Variants in ACOXL observed in about 807,000 individuals in gnomAD.
The protein encoded by ACOXL is acyl-CoA oxidase like.
A neutral mutation model predicts 71.9 loss-of-function variants in ACOXL; 70 were observed. The observed-to-expected ratio is 0.97, with a 90% CI of 0.80 to 1.19. The LOEUF (loss-of-function observed/expected upper bound fraction) is 1.19. Among genes scored for constraint, ACOXL ranks in the 50% most tolerant of loss-of-function variants. The pLI is 0.00. For missense variants in ACOXL, 703 were observed against 736.3 expected (o/e 0.95, Z 0.52); for synonymous variants, 253 against 281.6 (o/e 0.90, Z 1.02).
At chr2:110,757,177 T>C (rs1188224143) in intron 1 of ACOXL, among the ~76,000 whole-genome samples, 1 of 152,238 alleles carries the variant, frequency 6.6e-6, no homozygotes, top group Non-Finnish European at 1.5e-5. Flanking sequence ...CTGCATTAGA[T>C]TGCTGAGGAT....
chr2:110,771,922 A>G (rs1296486663), intron 2 of ACOXL, among the ~76,000 whole-genome samples: 1 of 152,202 alleles, frequency 6.6e-6, no homozygotes, highest in Non-Finnish European at 1.5e-5. Context: ...CTTGTCCTGC[A>G]TGGGGGACAG....
intron 15 of ACOXL, among the ~76,000 whole-genome samples, chr2:111,033,390 T>A (rs951367897): frequency 6.6e-6 from 1 of 152,116 alleles, no homozygotes; most frequent in Non-Finnish European, 1.5e-5. Flanking sequence ...AGAAAGAAAA[T>A]CCAGCCACCA....
chr2:111,103,860 A>G lies in ACOXL; in HGVS notation c.1542+10894A>G, dbSNP rs551011456. The stretch of plus-strand genomic sequence containing the variant: ...TTACTTAGTTTCCCCCATTGGCAAC[A>G]TCTTGTACAACTATAGCTTTACAAT... On this transcript the variant is annotated intron_variant, in intron 17 of 17. Transcript: ENST00000439055. Among the ~76,000 whole-genome samples the G allele has an allele frequency of 4.6e-5, 7 of 152,290 alleles. No homozygotes were observed. In the South Asian group the frequency reaches 1.4e-3, roughly 32 times the overall value.
At chr2:110,833,193 T>G (rs72832854) in intron 9 of ACOXL, among the ~76,000 whole-genome samples, 2,040 of 152,332 alleles carry the variant, frequency 0.013, 26 homozygotes, top group Non-Finnish European at 0.022. Context: ...AGGTGAAAGG[T>G]TGAAAGATGC....
chr2:110,984,560 G>A (rs1360650334), intron 12 of ACOXL, among the ~76,000 whole-genome samples: 1 of 152,200 alleles, frequency 6.6e-6, no homozygotes, highest in Non-Finnish European at 1.5e-5. Flanking sequence ...AAGGAGCAAA[G>A]ATCCAAAGTG....
At chr2:110,781,808 G>GACTAC (rs1683375874) in intron 2 of ACOXL, among the ~76,000 whole-genome samples, 1 of 152,172 alleles carries the variant, frequency 6.6e-6, no homozygotes. Flanking sequence ...AGACAGCTCA[G>GACTAC]ACTACACATC....
At chr2:110,998,774 C>T (rs1263597453) in intron 14 of ACOXL, among the ~76,000 whole-genome samples, 1 of 152,180 alleles carries the variant, frequency 6.6e-6, no homozygotes, top group Non-Finnish European at 1.5e-5. Context: ...CCAGCTCCCA[C>T]CTCTGGAAAG....
intron 5 of ACOXL, among the ~76,000 whole-genome samples, chr2:110,796,439 G>T (rs1471464351): frequency 6.6e-6 from 1 of 152,198 alleles, no homozygotes; most frequent in Admixed American, 6.5e-5. Context: ...TTATTTAGAT[G>T]CAGCTTTAAT....
chr2:111,058,467 A>G (rs757925983), intron 16 of ACOXL, among the ~76,000 whole-genome samples: 17 of 152,258 alleles, frequency 1.1e-4, no homozygotes, highest in Non-Finnish European at 2.5e-4. Flanking sequence ...AGCAAAGCCT[A>G]GCAGTCACAC....
rs535326282 is a variant in ACOXL at position 110,833,944 on chromosome 2, G to A, written c.754-7427G>A. 9.2e-5 allele frequency among the ~76,000 whole-genome samples: 14 copies of A among 152,298 alleles called. 1 individual carries two copies. In the East Asian group the frequency reaches 2.5e-3, roughly 27 times the overall value. ...TTGACTCTTGACTGTGACAGGGCCT[G>A]GGGGTGAGAGGGGTCCACAAGCTGA... On this transcript the variant is annotated intron_variant, in intron 9 of 17. Coordinates refer to ENST00000439055, the MANE Select transcript of ACOXL (RefSeq NM_001142807.4).
chr2:110,737,790 C>T (rs781774598), intron 1 of ACOXL, among the ~76,000 whole-genome samples: 3 of 152,200 alleles, frequency 2.0e-5, no homozygotes, highest in Non-Finnish European at 2.9e-5. Context: ...GCTCTTCCTG[C>T]GTCTTCACCA....
intron 14 of ACOXL, among the ~76,000 whole-genome samples, chr2:111,008,893 T>G (rs1031874216): frequency 6.6e-6 from 1 of 152,204 alleles, no homozygotes; most frequent in Non-Finnish European, 1.5e-5. Flanking sequence ...TTTTAATATG[T>G]TTTCAATGTA....
At chr2:110,869,154 C>T (rs763041838) in intron 10 of ACOXL, among the ~76,000 whole-genome samples, 10 of 152,092 alleles carry the variant, frequency 6.6e-5, no homozygotes, top group Admixed American at 2.6e-4. Flanking sequence ...GCCACATGGC[C>T]GATGTCACAC....
intron 10 of ACOXL, among the ~76,000 whole-genome samples, chr2:110,871,014 C>T (rs1006725950): frequency 2.6e-5 from 4 of 152,128 alleles, no homozygotes; most frequent in African/African-American, 9.7e-5. Context: ...GCGTGGGACC[C>T]ATTTCCTAGA....
At chr2:110,943,880 G>T (rs1194739250) in intron 12 of ACOXL, among the ~76,000 whole-genome samples, 1 of 126,750 alleles carries the variant, frequency 7.9e-6, no homozygotes, top group Non-Finnish European at 1.7e-5. Context: ...TCCTGTATGT[G>T]TAGATACCTT....
At chr2:111,039,016 T>TC (rs1030040970) in intron 15 of ACOXL, among the ~76,000 whole-genome samples, 1 of 152,250 alleles carries the variant, frequency 6.6e-6, no homozygotes, top group African/African-American at 2.4e-5. Flanking sequence ...TAAAGGTGCC[T>TC]CCTGGCATGT....
intron 12 of ACOXL, among the ~76,000 whole-genome samples, chr2:110,960,412 A>G (rs2061658023): frequency 6.6e-6 from 1 of 152,142 alleles, no homozygotes; most frequent in Non-Finnish European, 1.5e-5. Flanking sequence ...AAGACGTGTG[A>G]AGGTCTCCTC....
intron 10 of ACOXL, among the ~76,000 whole-genome samples, chr2:110,848,382 A>C (rs1439769061): frequency 4.6e-5 from 7 of 152,216 alleles, no homozygotes; most frequent in African/African-American, 1.4e-4. Flanking sequence ...CAATGGTATA[A>C]TCTTAAAACA....
At chr2:110,785,690 T>G (rs1683877329) in intron 3 of ACOXL, among the ~76,000 whole-genome samples, 1 of 152,188 alleles carries the variant, frequency 6.6e-6, no homozygotes, top group Non-Finnish European at 1.5e-5. Context: ...TCATGTTGTT[T>G]CCAGGATTTT....
Sources: gnomAD v4.1 joint callset for allele counts (sites outside exome capture counted in the v4.1 genomes callset) on GRCh38, gnomAD v4.1.1 for gene constraint, MANE v1.5 for transcripts, NCBI Gene and HGNC (gene_info 2026-07-23, HGNC 2026-07-21) for gene names.